Variants in PCDH9 observed in about 807,000 individuals in gnomAD.
PCDH9 encodes the protein protocadherin 9.
A neutral mutation model predicts 70.6 loss-of-function variants in PCDH9; 24 were observed. That is an observed-to-expected ratio of 0.34 (90% CI 0.25 to 0.48). The LOEUF is 0.48. Among genes scored for constraint, PCDH9 ranks in the 20% least tolerant of loss-of-function variants. PCDH9 has a pLI of 0.99. For synonymous variants in PCDH9, 562 were observed against 558.5 expected (o/e 1.01, Z -0.09); for missense variants, 1,281 against 1,503.6 (o/e 0.85, Z 2.45).
chr13:67,080,255 A>G (rs2085957368), intron 2 of PCDH9, among the ~76,000 whole-genome samples: 1 of 152,230 alleles, frequency 6.6e-6, no homozygotes, highest in African/African-American at 2.4e-5. Context: ...TTAGTAAATT[A>G]ATAACATTTA....
At chr13:67,167,452 A>C (rs537968014) in intron 2 of PCDH9, among the ~76,000 whole-genome samples, 1 of 152,156 alleles carries the variant, frequency 6.6e-6, no homozygotes, top group Non-Finnish European at 1.5e-5. Flanking sequence ...CTAGTACATA[A>C]ATTCAAATTA....
chr13:67,225,293 C>G, intron 2 of PCDH9, 112 bp downstream of exon 2: 1 of 1,330,296 alleles, frequency 7.5e-7, no homozygotes, highest in East Asian at 2.3e-5. Context: ...TTTTTTACCT[C>G]TTTCTAACTA....
chr13:66,597,010 T>C (rs1216763951), intron 4 of PCDH9, among the ~76,000 whole-genome samples: 1 of 151,708 alleles, frequency 6.6e-6, no homozygotes, highest in African/African-American at 2.4e-5. Context: ...GGATATCCAA[T>C]TGACTTAGTA....
intron 4 of PCDH9, among the ~76,000 whole-genome samples, chr13:66,552,815 C>G (rs2138684274): frequency 6.6e-6 from 1 of 152,172 alleles, no homozygotes; most frequent in East Asian, 1.9e-4. Context: ...AAGATATACC[C>G]AAGCCTGGGT....
rs1411987635 is a variant in PCDH9, at chr13:66,866,760, G to T, written c.3138+36744C>A. ...TGCAATGAGCCAAAATTGTGCCACT[G>T]CACTCTAGCCTGGGAGACAGAGCGA... On this transcript the variant is annotated intron_variant, in intron 3 of 4. Coordinates refer to ENST00000377865, the MANE Select transcript of PCDH9 (RefSeq NM_203487.3). 4.8e-4 allele frequency among the ~76,000 whole-genome samples: 73 copies of T among 152,280 alleles called. 1 individual carries two copies. Among genetic ancestry groups the T allele is most frequent in the Non-Finnish European group, 1.8e-4 (12 of 68,014 alleles).
chr13:66,665,319 G>A (rs571169427), intron 3 of PCDH9, among the ~76,000 whole-genome samples: 15 of 152,038 alleles, frequency 9.9e-5, no homozygotes, highest in South Asian at 2.1e-4. Context: ...GTCTGGTCTC[G>A]AACTCCTGAC....
intron 4 of PCDH9, among the ~76,000 whole-genome samples, chr13:66,514,836 T>G (rs1959657790): frequency 6.6e-6 from 1 of 152,130 alleles, no homozygotes; most frequent in South Asian, 2.1e-4. Context: ...TATGTGATTA[T>G]CTGGTCCACT....
chr13:67,059,136 T>C (rs1411115308), intron 2 of PCDH9, among the ~76,000 whole-genome samples: 2 of 151,808 alleles, frequency 1.3e-5, no homozygotes, highest in Non-Finnish European at 1.5e-5. Flanking sequence ...TCTCCCTTTA[T>C]CTAAAACAGC....
chr13:66,771,871 ATGT>A (rs1440500137), intron 3 of PCDH9, among the ~76,000 whole-genome samples: 2 of 152,226 alleles, frequency 1.3e-5, no homozygotes, highest in Non-Finnish European at 2.9e-5. Context: ...CCTGATAGAC[ATGT>A]TGTGCTAACA....
At chr13:66,887,034 A>AACACACAC (rs9317623) in intron 3 of PCDH9, among the ~76,000 whole-genome samples, 40 of 143,974 alleles carry the variant, frequency 2.8e-4, no homozygotes, top group Admixed American at 4.2e-4. Flanking sequence ...CAAATATAAT[A>AACACACAC]ACACACACAC....
intron 4 of PCDH9, among the ~76,000 whole-genome samples, chr13:66,348,046 C>T (rs944537244): frequency 3.9e-5 from 6 of 152,222 alleles, no homozygotes; most frequent in Non-Finnish European, 7.3e-5. Flanking sequence ...TTAACTCAGA[C>T]TACTGAGGTT....
intron 4 of PCDH9, among the ~76,000 whole-genome samples, chr13:66,479,266 G>GAGTTCAA (rs1958792947): frequency 6.6e-6 from 1 of 152,190 alleles, no homozygotes; most frequent in Admixed American, 6.6e-5. Context: ...TGATTATTCA[G>GAGTTCAA]GAGCTCTGAC....
intron 3 of PCDH9, among the ~76,000 whole-genome samples, chr13:66,651,045 G>T (rs760887710): frequency 1.2e-4 from 18 of 151,502 alleles, no homozygotes; most frequent in Non-Finnish European, 2.4e-4. Context: ...AATACCCAAA[G>T]TAAAATTTAT....
At chr13:66,553,615 T>C (rs952034930) in intron 4 of PCDH9, among the ~76,000 whole-genome samples, 1 of 152,164 alleles carries the variant, frequency 6.6e-6, no homozygotes, top group East Asian at 1.9e-4. Context: ...AACAGAAATG[T>C]GATTTGAGTG....
At chr13:66,537,329 C>A (rs1475997194) in intron 4 of PCDH9, among the ~76,000 whole-genome samples, 2 of 151,884 alleles carry the variant, frequency 1.3e-5, no homozygotes, top group African/African-American at 4.8e-5. Flanking sequence ...AAATCTATAT[C>A]GTCCATATTA....
intron 4 of PCDH9, among the ~76,000 whole-genome samples, chr13:66,391,267 C>T (rs1052423030): frequency 1.3e-5 from 2 of 152,156 alleles, no homozygotes; most frequent in Admixed American, 6.5e-5. Context: ...TAAAATTTTA[C>T]GTTCTGCATA....
chr13:66,974,177 C>T (rs941162036), intron 2 of PCDH9, among the ~76,000 whole-genome samples: 4 of 151,926 alleles, frequency 2.6e-5, no homozygotes, highest in Admixed American at 6.6e-5. Flanking sequence ...TATTTCTTAT[C>T]TCCAAGAACA....
At chr13:66,914,720 ACTT>A (rs1038818905) in intron 2 of PCDH9, among the ~76,000 whole-genome samples, 15 of 151,896 alleles carry the variant, frequency 9.9e-5, no homozygotes, top group Admixed American at 3.3e-4. Context: ...ATAGTTTTGA[ACTT>A]CATTAAAAAT....
chr13:66,848,381 T>G (rs1454040798), intron 3 of PCDH9, among the ~76,000 whole-genome samples: 2 of 152,174 alleles, frequency 1.3e-5, no homozygotes, highest in African/African-American at 4.8e-5. Flanking sequence ...TTTTCTTACA[T>G]TACCAAAAGA....
Sources: gnomAD v4.1 joint callset for allele counts (sites outside exome capture counted in the v4.1 genomes callset) on GRCh38, gnomAD v4.1.1 for gene constraint, MANE v1.5 for transcripts, NCBI Gene and HGNC (gene_info 2026-07-23, HGNC 2026-07-21) for gene names.